Variants in TPST1 observed in about 807,000 individuals in gnomAD.
TPST1 encodes protein-tyrosine sulfotransferase 1.
Under a neutral mutation model 34.8 loss-of-function variants are expected in TPST1, and 20 were observed. The ratio of observed to expected loss-of-function variants is 0.57; its 90% CI spans 0.40 to 0.84. The LOEUF (loss-of-function observed/expected upper bound fraction) is 0.84, where lower values mean the gene tolerates loss of function less well. Among genes scored for constraint, TPST1 ranks in the 40% least tolerant of loss-of-function variants. TPST1 has a pLI of 0.00. For missense variants in TPST1, 353 were observed against 455.5 expected (o/e 0.78, Z 2.05); for synonymous variants, 152 against 159.4 (o/e 0.95, Z 0.35).
At chr7:66,242,131 G>A (rs1354659184) in intron 2 of TPST1, among the ~76,000 whole-genome samples, 1 of 152,074 alleles carries the variant, frequency 6.6e-6, no homozygotes. Flanking sequence ...TACCTGGAAT[G>A]AGGATATAAA....
chr7:66,278,848 G>T (rs78022397), intron 2 of TPST1, among the ~76,000 whole-genome samples: 1 of 152,030 alleles, frequency 6.6e-6, no homozygotes, highest in Non-Finnish European at 1.5e-5. Flanking sequence ...GATAAGTTAG[G>T]TAAGAAAATA....
At chr7:66,254,294 A>G (rs147402342) in intron 2 of TPST1, among the ~76,000 whole-genome samples, 9 of 152,294 alleles carry the variant, frequency 5.9e-5, no homozygotes, top group African/African-American at 1.9e-4. Flanking sequence ...ATGGTATTGT[A>G]TTTTATAATG....
At chr7:66,328,859 G>T (rs7785250) in intron 3 of TPST1, among the ~76,000 whole-genome samples, 13 of 18,398 alleles carry the variant, frequency 7.1e-4, no homozygotes, top group African/African-American at 1.5e-3. Flanking sequence ...TCTCTCTCCC[G>T]CTCTCTCTCT....
chr7:66,293,577 A>G (rs1251659698), intron 3 of TPST1, among the ~76,000 whole-genome samples: 1 of 152,202 alleles, frequency 6.6e-6, no homozygotes. Flanking sequence ...ACTGCATTTT[A>G]AGGATAACTG....
At chr7:66,238,208 G>C (rs1242578159) in intron 1 of TPST1, among the ~76,000 whole-genome samples, 1 of 152,154 alleles carries the variant, frequency 6.6e-6, no homozygotes, top group Non-Finnish European at 1.5e-5. Flanking sequence ...GAGATTTGGA[G>C]AGTTCCTTCA....
intron 2 of TPST1, among the ~76,000 whole-genome samples, chr7:66,254,646 C>T (rs1790346199): frequency 6.6e-6 from 1 of 152,174 alleles, no homozygotes; most frequent in African/African-American, 2.4e-5. Flanking sequence ...TCAGGTGATG[C>T]ACTCGCCTCA....
intron 1 of TPST1, among the ~76,000 whole-genome samples, chr7:66,234,964 C>T (rs752030832): frequency 9.9e-5 from 15 of 152,098 alleles, no homozygotes; most frequent in Non-Finnish European, 1.6e-4. Flanking sequence ...TGAGCCTCCG[C>T]GCCCAGCCGG....
chr7:66,330,873 G>A (rs1011335892), intron 3 of TPST1, among the ~76,000 whole-genome samples: 1 of 152,184 alleles, frequency 6.6e-6, no homozygotes, highest in Non-Finnish European at 1.5e-5. Flanking sequence ...TATATATGAA[G>A]CATAACAAAT....
chr7:66,257,957 C>T (rs1333781548), intron 2 of TPST1, among the ~76,000 whole-genome samples: 1 of 152,142 alleles, frequency 6.6e-6, no homozygotes, highest in Non-Finnish European at 1.5e-5. Context: ...TAATAAGCTA[C>T]ATTAATAGAT....
intron 1 of TPST1, among the ~76,000 whole-genome samples, chr7:66,238,806 G>A (rs892992771): frequency 2.0e-5 from 3 of 152,196 alleles, no homozygotes; most frequent in Non-Finnish European, 1.5e-5. Context: ...GCCTTCTGAG[G>A]ATTCAGGGTA....
intron 1 of TPST1, among the ~76,000 whole-genome samples, chr7:66,211,715 C>T (rs546345817): frequency 6.6e-6 from 1 of 152,306 alleles, no homozygotes; most frequent in African/African-American, 2.4e-5. Flanking sequence ...TGCCTGTAAT[C>T]CCAGCACTTT....
At chr7:66,345,168 C>G (rs1391600182) in intron 3 of TPST1, among the ~76,000 whole-genome samples, 1 of 151,890 alleles carries the variant, frequency 6.6e-6, no homozygotes, top group African/African-American at 2.4e-5. Flanking sequence ...TGCCAAACCA[C>G]AAATCCAGTT....
intron 1 of TPST1, chr7:66,221,723 C>T (rs1191765499): frequency 6.6e-6 from 1 of 152,190 alleles, no homozygotes; most frequent in Non-Finnish European, 1.5e-5. Flanking sequence ...GCTTTTGAAA[C>T]ATAAGTTTGA....
chr7:66,227,113 A>T (rs977452454), intron 1 of TPST1, among the ~76,000 whole-genome samples: 7 of 133,854 alleles, frequency 5.2e-5, no homozygotes, highest in African/African-American at 2.0e-4. Context: ...AACTCACTGC[A>T]ACCTCCGCCT....
At chr7:66,215,053 A>G (rs1345745284) in intron 1 of TPST1, among the ~76,000 whole-genome samples, 9 of 147,084 alleles carry the variant, frequency 6.1e-5, no homozygotes, top group Non-Finnish European at 1.0e-4. Context: ...TATTAAATAT[A>G]TTTATATATA....
chr7:66,317,948 C>T (rs1405153121), intron 3 of TPST1, among the ~76,000 whole-genome samples: 4 of 152,150 alleles, frequency 2.6e-5, no homozygotes, highest in Non-Finnish European at 4.4e-5. Flanking sequence ...CACCTGAGGT[C>T]AGGTGTTCCA....
chr7:66,260,456 A>C (rs541249427), intron 2 of TPST1, among the ~76,000 whole-genome samples: 90 of 152,228 alleles, frequency 5.9e-4, no homozygotes, highest in African/African-American at 2.1e-3. Context: ...GAATGACTGT[A>C]CTCCATAATA....
chr7:66,213,735 C>T (rs1269869911), intron 1 of TPST1, among the ~76,000 whole-genome samples: 1 of 148,806 alleles, frequency 6.7e-6, no homozygotes, highest in Non-Finnish European at 1.5e-5. Flanking sequence ...CAGAGTGAGA[C>T]TCCATCTCAA....
At chr7:66,213,790 A>G (rs575785246) in intron 1 of TPST1, among the ~76,000 whole-genome samples, 5 of 151,844 alleles carry the variant, frequency 3.3e-5, no homozygotes, top group African/African-American at 4.8e-5. Flanking sequence ...TCTCTGTCAG[A>G]TCATTCCAAC....
Sources: allele counts gnomAD v4.1 joint callset (sites outside exome capture counted in the v4.1 genomes callset), GRCh38; gene constraint gnomAD v4.1.1; transcripts MANE v1.5; gene names NCBI Gene and HGNC (gene_info 2026-07-23, HGNC 2026-07-21).